Variants in BCKDHB observed in about 807,000 individuals in gnomAD.
BCKDHB encodes 2-oxoisovalerate dehydrogenase subunit beta, mitochondrial.
Under a neutral mutation model 48.5 loss-of-function variants are expected in BCKDHB, and 41 were observed. The ratio of observed to expected loss-of-function variants is 0.85; its 90% confidence interval spans 0.66 to 1.10. The LOEUF (loss-of-function observed/expected upper bound fraction) is 1.10, where lower values mean the gene tolerates loss of function less well. Ranked by LOEUF, BCKDHB falls within the 50% of genes least tolerant of loss-of-function variation. The pLI is 0.00. For synonymous variants in BCKDHB, 201 were observed against 174.8 expected, an observed-to-expected ratio of 1.15 and a Z score of -1.18; for missense variants, 496 against 494.2, an observed-to-expected ratio of 1.00 and a Z score of -0.03.
chr6:80,169,849 C>A (rs1238682705), intron 5 of BCKDHB: 1 of 1,606,358 alleles, frequency 6.2e-7, no homozygotes, highest in Non-Finnish European at 8.5e-7. Flanking sequence ...GTAGATGTTG[C>A]CTGATTTTTG....
At position 80,127,615 on chromosome 6, in the gene BCKDHB, C is replaced by A; in HGVS notation, c.265C>A (p.Pro89Thr). Residue 89 changes from proline to threonine, a missense_variant, in exon 2 of 10, where the codon CCT (proline) becomes ACT (threonine). Pro to Thr is a conservative substitution (Grantham distance 38, BLOSUM62 -1). Coordinates refer to ENST00000320393, the MANE Select transcript of BCKDHB (RefSeq NM_183050.4). ...CTTGGATAACTCATTGGCCAAAGATCCTACTGCAGGTAACCCTGATATGTG... is the reference window on the plus strand; with the variant it reads ...CTTGGATAACTCATTGGCCAAAGATACTACTGCAGGTAACCCTGATATGTG... ...SALDNSLAKD[P>T]TAVIFGEDVA... 6.2e-7 allele frequency: 1 copy of A among 1,612,452 alleles called. No individual in the cohort carries two copies. The highest frequency in any genetic ancestry group is 1.1e-5 in the South Asian group (1 of 91,048).
chr6:80,383,721 A>T, the BCKDHB span, among the ~76,000 whole-genome samples: 1 of 152,140 alleles, frequency 6.6e-6, no homozygotes, highest in Non-Finnish European at 1.5e-5. Flanking sequence ...TACAAAAAGC[A>T]TAAAATTGCA....
chr6:80,451,725 T>G, the BCKDHB span, among the ~76,000 whole-genome samples: 2 of 145,872 alleles, frequency 1.4e-5, no homozygotes, highest in Non-Finnish European at 3.0e-5. Flanking sequence ...TGAGACTCTG[T>G]CTCAAAAGAA....
chr6:80,244,471 AAC>A (rs1189630246), intron 8 of BCKDHB, among the ~76,000 whole-genome samples: 4 of 152,252 alleles, frequency 2.6e-5, no homozygotes, highest in African/African-American at 9.6e-5. Flanking sequence ...AGAAAAAAAT[AAC>A]ACAGTTAAAA....
chr6:80,283,916 A>G (rs2127977789), intron 9 of BCKDHB, among the ~76,000 whole-genome samples: 1 of 152,252 alleles, frequency 6.6e-6, no homozygotes, highest in Admixed American at 6.5e-5. Flanking sequence ...CACCTTGTAC[A>G]ACATTTTAGG....
At chr6:80,391,175 A>ATGTGTGTGTG in the BCKDHB span, among the ~76,000 whole-genome samples, 2,579 of 143,978 alleles carry the variant, frequency 0.018, 35 homozygotes, top group East Asian at 0.068. Context: ...ATGCATATAT[A>ATGTGTGTGTG]TATGTGTGTG....
intron 5 of BCKDHB, among the ~76,000 whole-genome samples, chr6:80,169,569 A>G (rs898025748): frequency 6.6e-6 from 1 of 152,044 alleles, no homozygotes; most frequent in Non-Finnish European, 1.5e-5. Flanking sequence ...TCTCCTTTTT[A>G]TAACCTGTCT....
At chr6:80,325,109 A>G (rs1768966822) in intron 9 of BCKDHB, among the ~76,000 whole-genome samples, 1 of 152,176 alleles carries the variant, frequency 6.6e-6, no homozygotes, top group African/African-American at 2.4e-5. Flanking sequence ...TATTTTTCTG[A>G]GCATCAAATA....
intron 3 of BCKDHB, among the ~76,000 whole-genome samples, chr6:80,154,800 G>T (rs1013223151): frequency 6.6e-6 from 1 of 152,052 alleles, no homozygotes; most frequent in Non-Finnish European, 1.5e-5. Flanking sequence ...TAGTAAGTTT[G>T]AAATTTCACT....
chr6:80,314,647 T>A (rs529760054), intron 9 of BCKDHB, among the ~76,000 whole-genome samples: 6 of 152,218 alleles, frequency 3.9e-5, no homozygotes, highest in Non-Finnish European at 8.8e-5. Context: ...GGAACCACTT[T>A]TGCCCTGGTC....
the BCKDHB span, among the ~76,000 whole-genome samples, chr6:80,406,811 G>C: frequency 6.6e-6 from 1 of 152,158 alleles, no homozygotes; most frequent in East Asian, 1.9e-4. Flanking sequence ...TAGGTTGCCT[G>C]TTCACTCTGA....
chr6:80,230,157 G>C (rs942289915), intron 8 of BCKDHB, among the ~76,000 whole-genome samples: 2 of 138,012 alleles, frequency 1.4e-5, no homozygotes, highest in African/African-American at 5.3e-5. Context: ...TCCTGCCTCA[G>C]CCTCCCGAGT....
intron 8 of BCKDHB, among the ~76,000 whole-genome samples, chr6:80,211,130 A>G (rs1774913453): frequency 6.6e-6 from 1 of 152,148 alleles, no homozygotes; most frequent in African/African-American, 2.4e-5. Flanking sequence ...CTACATAACA[A>G]CACTGCAAAA....
chr6:80,170,377 C>CAATGA (rs1772848721), intron 5 of BCKDHB, among the ~76,000 whole-genome samples: 2 of 152,058 alleles, frequency 1.3e-5, no homozygotes, highest in Middle Eastern at 3.2e-3. Context: ...TAATATTTGT[C>CAATGA]TTTAAACAAT....
chr6:80,420,092 C>T, the BCKDHB span, among the ~76,000 whole-genome samples: 1 of 152,118 alleles, frequency 6.6e-6, no homozygotes, highest in Non-Finnish European at 1.5e-5. Context: ...TCTTGTAGCT[C>T]ACTGAGCTTC....
chr6:80,161,295 A>G (rs765850368), intron 3 of BCKDHB, among the ~76,000 whole-genome samples: 52 of 148,972 alleles, frequency 3.5e-4, no homozygotes, highest in Admixed American at 1.1e-3. Flanking sequence ...TTAATTTTTT[A>G]TACTACCTGA....
intron 3 of BCKDHB, among the ~76,000 whole-genome samples, chr6:80,142,196 G>A (rs115828463): frequency 3.1e-4 from 47 of 152,100 alleles, no homozygotes; most frequent in African/African-American, 1.0e-3. Context: ...ATCTATGTAC[G>A]TAGTTGAAAT....
At chr6:80,416,578 A>C in the BCKDHB span, among the ~76,000 whole-genome samples, 1 of 151,734 alleles carries the variant, frequency 6.6e-6, no homozygotes, top group East Asian at 1.9e-4. Context: ...CTTCCATGTC[A>C]TTGTATGGTT....
the BCKDHB span, chr6:80,463,191 C>T: frequency 1.3e-5 from 2 of 152,270 alleles, no homozygotes; most frequent in South Asian, 4.1e-4. Context: ...ATTAAATAGA[C>T]ATTTTGTTTA....
Sources: gnomAD v4.1 joint callset for allele counts (sites outside exome capture counted in the v4.1 genomes callset) on GRCh38, gnomAD v4.1.1 for gene constraint, MANE v1.5 for transcripts, NCBI Gene and HGNC (gene_info 2026-07-23, HGNC 2026-07-21) for gene names.